Variants in GPC6 observed in about 807,000 individuals in gnomAD.
The protein encoded by GPC6 is glypican-6.
GPC6 carries 14 observed loss-of-function variants against 55.2 expected under a neutral mutation model. The ratio of observed to expected loss-of-function variants is 0.25; its 90% CI spans 0.17 to 0.40. GPC6 has a LOEUF of 0.40. Ranked by LOEUF, GPC6 falls within the 10% of genes least tolerant of loss-of-function variation. The pLI, the probability that GPC6 is intolerant of heterozygous loss-of-function variation, is 1.00. For missense variants in GPC6, 641 were observed against 708.5 expected (o/e 0.90, Z 1.08); for synonymous variants, 278 against 259.6 (o/e 1.07, Z -0.68).
intron 4 of GPC6, among the ~76,000 whole-genome samples, chr13:94,075,503 AC>A (rs1884881398): frequency 2.6e-5 from 4 of 152,104 alleles, no homozygotes. Flanking sequence ...TTTTAAGTGC[AC>A]ATTACCATAC....
At chr13:93,749,161 T>C (rs1010945257) in intron 2 of GPC6, among the ~76,000 whole-genome samples, 1 of 152,062 alleles carries the variant, frequency 6.6e-6, no homozygotes, top group Non-Finnish European at 1.5e-5. Flanking sequence ...TTTCAACTTC[T>C]CACATACTCT....
Position 93,508,766 on chromosome 13 carries a change from G to C in GPC6, c.161-36497G>C, listed in dbSNP as rs77256648. 2.0e-5 allele frequency among the ~76,000 whole-genome samples: 3 copies of C among 152,286 alleles called. No individual in the cohort carries two copies. In the East Asian group the frequency reaches 5.8e-4, roughly 29 times the overall value. On this transcript the variant is annotated intron_variant, in intron 1 of 8. Coordinates refer to ENST00000377047, the MANE Select transcript of GPC6 (RefSeq NM_005708.5). ...GGAGCAGGGCTTTAGAGGAAATGTG[G>C]ATCTTTTCTAGGGAAAGGGTGGAGG...
chr13:93,663,713 T>A lies in GPC6; in HGVS notation c.319+118292T>A, dbSNP rs138399776. Among the ~76,000 whole-genome samples the A allele has an allele frequency of 4.9e-3, 751 of 152,322 alleles. 6 individuals carry two copies. The highest frequency in any genetic ancestry group is 0.017 in the African/African-American group (692 of 41,574). On this transcript the variant is annotated intron_variant, in intron 2 of 8. Coordinates refer to ENST00000377047, the MANE Select transcript of GPC6 (RefSeq NM_005708.5). ...CGTAATCTAGACAATCTTCCACAGCTTTCTTGTCTACACAACAAGAAGTTT... is the reference window on the plus strand; with the variant it reads ...CGTAATCTAGACAATCTTCCACAGCATTCTTGTCTACACAACAAGAAGTTT...
intron 2 of GPC6, among the ~76,000 whole-genome samples, chr13:93,732,505 C>G (rs1173725523): frequency 1.2e-4 from 18 of 152,170 alleles, no homozygotes; most frequent in Admixed American, 1.2e-3. Context: ...TTATTGCCAG[C>G]AGTCATAGAG....
chr13:93,766,292 G>A (rs538922150), intron 2 of GPC6, among the ~76,000 whole-genome samples: 6 of 152,290 alleles, frequency 3.9e-5, no homozygotes, highest in African/African-American at 9.6e-5. Flanking sequence ...CCAAGTCATA[G>A]TGCAGTCATT....
intron 3 of GPC6, among the ~76,000 whole-genome samples, chr13:93,891,388 G>T (rs1483227180): frequency 2.0e-5 from 3 of 152,194 alleles, no homozygotes; most frequent in Non-Finnish European, 4.4e-5. Flanking sequence ...AACCTCAGGA[G>T]AAATTACCTT....
intron 6 of GPC6, among the ~76,000 whole-genome samples, chr13:94,344,873 T>C (rs1009971588): frequency 1.3e-5 from 2 of 152,252 alleles, no homozygotes; most frequent in Non-Finnish European, 2.9e-5. Context: ...TCTGGATTAA[T>C]CCATGAATTA....
At chr13:93,360,615 A>G (rs1881011007) in intron 1 of GPC6, among the ~76,000 whole-genome samples, 1 of 152,176 alleles carries the variant, frequency 6.6e-6, no homozygotes, top group Non-Finnish European at 1.5e-5. Flanking sequence ...GCAAAATAGA[A>G]TCTTTTAAGT....
intron 1 of GPC6, among the ~76,000 whole-genome samples, chr13:93,472,626 C>T (rs1478738635): frequency 1.3e-5 from 2 of 152,202 alleles, no homozygotes; most frequent in South Asian, 2.1e-4. Context: ...AGTCACAGGC[C>T]TGGTCTGGCA....
intron 1 of GPC6, among the ~76,000 whole-genome samples, chr13:93,524,060 A>T (rs1389047759): frequency 1.3e-5 from 2 of 152,018 alleles, no homozygotes; most frequent in Admixed American, 1.3e-4. Flanking sequence ...TGTGAGTTCA[A>T]ACAAATTGCA....
intron 2 of GPC6, among the ~76,000 whole-genome samples, chr13:93,593,921 G>A (rs1877605761): frequency 6.6e-6 from 1 of 151,918 alleles, no homozygotes. Flanking sequence ...GAAATGTTAT[G>A]TGAAAAAAAG....
intron 6 of GPC6, among the ~76,000 whole-genome samples, chr13:94,377,872 A>G (rs1192178349): frequency 6.6e-6 from 1 of 152,194 alleles, no homozygotes; most frequent in African/African-American, 2.4e-5. Context: ...AGCCATAAAA[A>G]ATGATGAGTT....
chr13:93,559,290 A>G (rs1233582377), intron 2 of GPC6, among the ~76,000 whole-genome samples: 2 of 152,202 alleles, frequency 1.3e-5, no homozygotes, highest in Non-Finnish European at 2.9e-5. Flanking sequence ...GCAAATGTCT[A>G]TTGAAATTGC....
At chr13:94,117,738 A>C (rs562446326) in intron 4 of GPC6, among the ~76,000 whole-genome samples, 3 of 152,220 alleles carry the variant, frequency 2.0e-5, no homozygotes, top group South Asian at 4.1e-4. Context: ...GTCAATTCTC[A>C]GTTCTGCCTA....
chr13:94,294,437 T>TTA (rs778958980), intron 5 of GPC6, among the ~76,000 whole-genome samples: 52 of 116,738 alleles, frequency 4.5e-4, no homozygotes, highest in Non-Finnish European at 4.4e-4. Flanking sequence ...AAATGAAGAT[T>TTA]AAAAAAAAAA....
At chr13:93,573,429 A>G (rs1295701271) in intron 2 of GPC6, among the ~76,000 whole-genome samples, 1 of 152,048 alleles carries the variant, frequency 6.6e-6, no homozygotes, top group Non-Finnish European at 1.5e-5. Context: ...GGCTCTGTCT[A>G]CATCCAGTAC....
chr13:93,442,345 G>A (rs933785835), intron 1 of GPC6, among the ~76,000 whole-genome samples: 1 of 152,088 alleles, frequency 6.6e-6, no homozygotes, highest in African/African-American at 2.4e-5. Flanking sequence ...TAAAGTGATG[G>A]GATCCCATAC....
intron 1 of GPC6, among the ~76,000 whole-genome samples, chr13:93,258,427 T>C (rs1594056648): frequency 6.6e-6 from 1 of 152,140 alleles, no homozygotes; most frequent in African/African-American, 2.4e-5. Context: ...GCTACAATGG[T>C]GCCCTTTATG....
intron 3 of GPC6, among the ~76,000 whole-genome samples, chr13:93,983,088 A>C (rs911798058): frequency 3.3e-5 from 5 of 152,208 alleles, no homozygotes; most frequent in African/African-American, 1.2e-4. Context: ...GAATTCATGA[A>C]GGAATAAATA....
Sources: allele counts gnomAD v4.1 joint callset (sites outside exome capture counted in the v4.1 genomes callset), GRCh38; gene constraint gnomAD v4.1.1; transcripts MANE v1.5; gene names NCBI Gene and HGNC (gene_info 2026-07-23, HGNC 2026-07-21).